ACOXL: variants seen among roughly 807,000 people sequenced by gnomAD.
The protein encoded by ACOXL is acyl-coenzyme A oxidase-like protein.
ACOXL carries 70 observed loss-of-function variants against 71.9 expected under a neutral mutation model. That is an observed-to-expected ratio of 0.97 (90% confidence interval 0.80 to 1.19). The LOEUF is 1.19. ACOXL is among the 50% of genes most tolerant of loss of function. The pLI is 0.00. For missense variants in ACOXL, 703 were observed against 736.3 expected (o/e 0.95, Z 0.52); for synonymous variants, 253 against 281.6 (o/e 0.90, Z 1.02).
chr2:110,754,515 A>G (rs2094415725), intron 1 of ACOXL, among the ~76,000 whole-genome samples: 1 of 152,218 alleles, frequency 6.6e-6, no homozygotes, highest in South Asian at 2.1e-4. Flanking sequence ...AGCAACTGAT[A>G]TGTTCTCCAT....
At chr2:111,093,748 C>T in intron 17 of ACOXL, 1 of 451,836 alleles carries the variant, frequency 2.2e-6, no homozygotes. Context: ...GCTGTAGTCC[C>T]AGCTACTCGG....
At chr2:110,785,907 G>A (rs942225687) in intron 3 of ACOXL, among the ~76,000 whole-genome samples, 2 of 152,142 alleles carry the variant, frequency 1.3e-5, no homozygotes, top group South Asian at 2.1e-4. Context: ...CGGATCCTGT[G>A]GACCCATATC....
chr2:110,795,822 T>C (rs1191262409), intron 5 of ACOXL: 2 of 152,198 alleles, frequency 1.3e-5, no homozygotes, highest in Non-Finnish European at 2.9e-5. Flanking sequence ...CCACAGCTCT[T>C]ATTTATTTGT....
intron 17 of ACOXL, chr2:111,094,328 TAAAAC>T (rs2068694903): frequency 6.6e-6 from 1 of 152,242 alleles, no homozygotes; most frequent in Admixed American, 6.5e-5. Flanking sequence ...ACTTACGACT[TAAAAC>T]AACCACCACT....
At chr2:111,086,690 C>G (rs528434164) in intron 16 of ACOXL, among the ~76,000 whole-genome samples, 36 of 152,286 alleles carry the variant, frequency 2.4e-4, no homozygotes, top group African/African-American at 6.3e-4. Context: ...GAAAAACCCA[C>G]AGTCAAAATC....
chr2:111,095,570 T>C lies in ACOXL; in HGVS notation c.1542+2604T>C, dbSNP rs141273045. Among the ~76,000 whole-genome samples, 1,375 of 152,146 alleles carry C rather than the reference T, an allele frequency of 9.0e-3. 16 individuals carry two copies. Among genetic ancestry groups the C allele is most frequent in the East Asian group, 0.05 (261 of 5,172 alleles). On this transcript the variant is annotated intron_variant, in intron 17 of 17. Transcript: ENST00000439055. ...CATGCCTGACTAATTTTTGTATTTT[T>C]AGTAGAGACAGGGTTTCGCCATGCT...
intron 10 of ACOXL, among the ~76,000 whole-genome samples, chr2:110,853,670 A>G (rs1041900662): frequency 6.6e-6 from 1 of 152,212 alleles, no homozygotes; most frequent in African/African-American, 2.4e-5. Flanking sequence ...TTGTCTGTGC[A>G]ATGATACAGA....
chr2:111,095,913 C>T (rs2068775773), intron 17 of ACOXL, among the ~76,000 whole-genome samples: 1 of 152,234 alleles, frequency 6.6e-6, no homozygotes. Context: ...GATAGTAGAA[C>T]TGGCACAAAT....
chr2:110,942,799 C>G (rs912097474), intron 12 of ACOXL, among the ~76,000 whole-genome samples: 13 of 150,554 alleles, frequency 8.6e-5, no homozygotes, highest in African/African-American at 3.2e-4. Flanking sequence ...ATAAGAATTA[C>G]TTGAACCCTA....
rs78803043 is a variant in ACOXL, at chr2:110,981,888, G to T, written c.1060-5220G>T. Among the ~76,000 whole-genome samples, 643 of 152,214 alleles carry T rather than the reference G, an allele frequency of 4.2e-3. 24 individuals are homozygous for T. In the East Asian group the frequency reaches 0.077, roughly 18 times the overall value. On this transcript the variant is annotated intron_variant, in intron 12 of 17. Coordinates refer to ENST00000439055, the MANE Select transcript of ACOXL (RefSeq NM_001142807.4). ...TTCCCTATACTCAATATAAACAGTA[G>T]GTGCCTTGTACATAGTAAGTGCTCC...
At chr2:111,030,818 CG>C (rs1558889194) in intron 14 of ACOXL, among the ~76,000 whole-genome samples, 4 of 152,050 alleles carry the variant, frequency 2.6e-5, no homozygotes, top group Non-Finnish European at 5.9e-5. Flanking sequence ...AAAAGTTTTA[CG>C]GGCCACATTT....
chr2:111,076,679 T>C (rs1025901571), intron 16 of ACOXL, among the ~76,000 whole-genome samples: 2 of 152,224 alleles, frequency 1.3e-5, no homozygotes, highest in South Asian at 4.1e-4. Flanking sequence ...GTTAGTTTCC[T>C]ATGGCTACTG....
intron 12 of ACOXL, among the ~76,000 whole-genome samples, chr2:110,942,805 C>T (rs562961598): frequency 8.6e-5 from 13 of 150,662 alleles, no homozygotes; most frequent in Non-Finnish European, 1.9e-4. Flanking sequence ...ATTACTTGAA[C>T]CCTAAGAGGT....
intron 1 of ACOXL, among the ~76,000 whole-genome samples, chr2:110,733,990 G>A (rs1451712786): frequency 1.3e-5 from 2 of 152,194 alleles, no homozygotes. Flanking sequence ...ACCACATGAT[G>A]TGTAGTATTC....
chr2:110,794,916 C>T (rs916728556), intron 5 of ACOXL, among the ~76,000 whole-genome samples: 2 of 152,026 alleles, frequency 1.3e-5, no homozygotes, highest in African/African-American at 4.8e-5. Flanking sequence ...ACCCTCATGC[C>T]CATCTCTTTA....
intron 10 of ACOXL, among the ~76,000 whole-genome samples, chr2:110,875,459 G>A (rs896271905): frequency 3.3e-5 from 5 of 152,194 alleles, no homozygotes; most frequent in South Asian, 2.1e-4. Context: ...ATATGGGGAG[G>A]TGTGGAGCGT....
intron 1 of ACOXL, among the ~76,000 whole-genome samples, chr2:110,738,073 C>T (rs1010131795): frequency 6.6e-6 from 1 of 152,210 alleles, no homozygotes; most frequent in African/African-American, 2.4e-5. Flanking sequence ...TCTCTTGAGG[C>T]CCTGAGCTTC....
At chr2:110,881,662 C>G (rs1696665617) in intron 10 of ACOXL, among the ~76,000 whole-genome samples, 1 of 152,132 alleles carries the variant, frequency 6.6e-6, no homozygotes, top group African/African-American at 2.4e-5. Context: ...GCCAGGTAAC[C>G]AATAATCTGC....
At chr2:111,027,383 A>G (rs2065063564) in intron 14 of ACOXL, among the ~76,000 whole-genome samples, 1 of 150,864 alleles carries the variant, frequency 6.6e-6, no homozygotes, top group African/African-American at 2.4e-5. Context: ...GTGCAGTGCC[A>G]TGATCTCGGC....
Sources: allele counts gnomAD v4.1 joint callset (sites outside exome capture counted in the v4.1 genomes callset), GRCh38; gene constraint gnomAD v4.1.1; transcripts MANE v1.5; gene names NCBI Gene and HGNC (gene_info 2026-07-23, HGNC 2026-07-21).